The following MYO6 variants were observed in gnomAD, a reference collection of about 807,000 sequenced individuals.
MYO6 encodes myosin VI.
MYO6 carries 74 observed loss-of-function variants against 178.7 expected under a neutral mutation model. The observed-to-expected ratio is 0.41, with a 90% confidence interval of 0.34 to 0.50. The LOEUF (loss-of-function observed/expected upper bound fraction) is 0.50, where lower values mean the gene tolerates loss of function less well. Ranked by LOEUF, MYO6 falls within the 20% of genes least tolerant of loss-of-function variation. MYO6 has a pLI of 0.09. For missense variants in MYO6, 1,330 were observed against 1,547.4 expected, an observed-to-expected ratio of 0.86 and a Z score of 2.36; for synonymous variants, 477 against 504.6, an observed-to-expected ratio of 0.95 and a Z score of 0.73.
chr6:75,752,730 G>T (rs1369265790), intron 1 of MYO6, among the ~76,000 whole-genome samples: 1 of 152,196 alleles, frequency 6.6e-6, no homozygotes. Flanking sequence ...TCATTCTCAA[G>T]TTGACAGCCT....
intron 14 of MYO6, among the ~76,000 whole-genome samples, chr6:75,860,710 C>G (rs912691036): frequency 6.6e-6 from 1 of 152,192 alleles, no homozygotes; most frequent in Non-Finnish European, 1.5e-5. Context: ...AGACACAAGA[C>G]ATATTTGAGG....
Position 75,892,795 on chromosome 6 carries a change from A to T in MYO6, c.3107+105A>T, listed in dbSNP as rs554482975. The T allele has an allele frequency of 4.1e-5, 48 of 1,182,180 alleles. No homozygotes were observed. In the South Asian group the frequency reaches 6.7e-4, roughly 16 times the overall value. The allele number at this position is 1,182,180 out of a possible 1,614,324, so 73.2% of individuals were successfully genotyped here. On this transcript the variant is annotated intron_variant, in intron 28 of 34. Transcript: ENST00000369977. Reference sequence around the variant, plus strand: ...GGAATAGGAGAAAATAATATTCTGAAGGCCCTGATATATTTGAGCTAAAAT... The same window carrying T: ...GGAATAGGAGAAAATAATATTCTGATGGCCCTGATATATTTGAGCTAAAAT...
intron 5 of MYO6, among the ~76,000 whole-genome samples, chr6:75,832,171 A>G (rs1459865852): frequency 6.6e-6 from 1 of 152,220 alleles, no homozygotes; most frequent in East Asian, 1.9e-4. Context: ...AAATTGTTGG[A>G]GTCTAATGAA....
chr6:75,832,975 T>C, intron 6 of MYO6, 28 bp downstream of exon 6: 1 of 1,474,852 alleles, frequency 6.8e-7, no homozygotes, highest in African/African-American at 1.4e-5. Flanking sequence ...TTGAAGTATT[T>C]GAGTAGGTTG....
intron 30 of MYO6, among the ~76,000 whole-genome samples, chr6:75,903,870 T>C (rs1780035622): frequency 6.6e-6 from 1 of 152,002 alleles, no homozygotes; most frequent in Non-Finnish European, 1.5e-5. Context: ...TGGTACCGGT[T>C]GTTCCTTTCC....
intron 3 of MYO6, 91 bp from the exon 4 acceptor site, chr6:75,828,449 G>C: frequency 1.2e-6 from 1 of 801,690 alleles, no homozygotes; most frequent in Non-Finnish European, 2.1e-6. Context: ...TGATTTTTAG[G>C]ATGAGTCAAA....
At chr6:75,901,796 T>C (rs1469232596) in intron 30 of MYO6, among the ~76,000 whole-genome samples, 1 of 152,238 alleles carries the variant, frequency 6.6e-6, no homozygotes, top group African/African-American at 2.4e-5. Context: ...CATCCCTGTC[T>C]TGTGCCGGTT....
At chr6:75,903,933 A>T (rs1024749960) in intron 30 of MYO6, among the ~76,000 whole-genome samples, 19 of 150,226 alleles carry the variant, frequency 1.3e-4, no homozygotes, top group African/African-American at 3.9e-4. Context: ...GTGGTGACAA[A>T]ATCTCTCAGC....
intron 29 of MYO6, among the ~76,000 whole-genome samples, chr6:75,898,148 G>T (rs943386650): frequency 1.3e-5 from 2 of 152,176 alleles, no homozygotes; most frequent in African/African-American, 4.8e-5. Flanking sequence ...TGCAAAAATG[G>T]AGAGACATTC....
At chr6:75,768,715 A>G (rs1778660503) in intron 1 of MYO6, among the ~76,000 whole-genome samples, 1 of 152,080 alleles carries the variant, frequency 6.6e-6, no homozygotes, top group Admixed American at 6.6e-5. Flanking sequence ...AGGGATAGTG[A>G]GTTTGGGAAT....
chr6:75,848,526 C>T lies in MYO6; in HGVS notation c.1073C>T (p.Thr358Ile), dbSNP rs907535942. The T allele has an allele frequency of 1.2e-6, 2 of 1,612,076 alleles. No homozygotes were observed. The highest frequency in any genetic ancestry group is 2.7e-5 in the African/African-American group (2 of 74,694). Residue 358 changes from threonine to isoleucine, a missense_variant, in exon 11 of 35, where the codon ACT becomes ATT. By Grantham distance (89) the Thr-to-Ile change is moderately conservative. This residue lies in a region of MYO6 where 613 missense variants were observed against 816.8 expected (regional missense o/e 0.75). Coordinates refer to ENST00000369977, the MANE Select transcript of MYO6 (RefSeq NM_004999.4). ...GNIDFEEAGSTSGGCNLKNKS... is the reference protein window; with the variant it reads ...GNIDFEEAGSISGGCNLKNKS... ...ATTGATTTTGAGGAAGCTGGCAGCA[C>T]TTCAGGTTTGCTTTTTATTTTTTTA...
intron 7 of MYO6, among the ~76,000 whole-genome samples, chr6:75,837,488 T>C (rs1773763662): frequency 6.6e-6 from 1 of 152,108 alleles, no homozygotes; most frequent in Non-Finnish European, 1.5e-5. Context: ...GCCTCAGCCT[T>C]GTAAGTAGCT....
At chr6:75,871,823 G>A (rs1222922405) in intron 19 of MYO6, among the ~76,000 whole-genome samples, 3 of 151,986 alleles carry the variant, frequency 2.0e-5, no homozygotes, top group Non-Finnish European at 4.4e-5. Flanking sequence ...TTTCTAAAAC[G>A]TGTTCTAGAA....
At chr6:75,757,398 T>C (rs940241306) in intron 1 of MYO6, among the ~76,000 whole-genome samples, 13 of 149,310 alleles carry the variant, frequency 8.7e-5, no homozygotes, top group African/African-American at 2.7e-4. Flanking sequence ...CACATATATA[T>C]ACACACACAC....
intron 1 of MYO6, among the ~76,000 whole-genome samples, chr6:75,790,293 A>C (rs1271435908): frequency 6.6e-6 from 1 of 152,184 alleles, no homozygotes; most frequent in Non-Finnish European, 1.5e-5. Flanking sequence ...CAATACTTAA[A>C]TGTGTAAATT....
intron 11 of MYO6, among the ~76,000 whole-genome samples, chr6:75,853,224 T>C (rs1775436896): frequency 6.6e-6 from 1 of 152,210 alleles, no homozygotes; most frequent in Non-Finnish European, 1.5e-5. Context: ...TGAAAATATA[T>C]TCTAAGTACA....
At chr6:75,755,779 C>G (rs1183185678) in intron 1 of MYO6, among the ~76,000 whole-genome samples, 1 of 152,140 alleles carries the variant, frequency 6.6e-6, no homozygotes, top group Non-Finnish European at 1.5e-5. Context: ...AGGCACTATT[C>G]TAAGTTCTAG....
chr6:75,783,006 C>T (rs1034615506), intron 1 of MYO6, among the ~76,000 whole-genome samples: 1 of 150,806 alleles, frequency 6.6e-6, no homozygotes, highest in South Asian at 2.1e-4. Flanking sequence ...CCTTGATCTC[C>T]TAGGCTCAAG....
intron 1 of MYO6, among the ~76,000 whole-genome samples, chr6:75,787,760 A>G (rs1371947570): frequency 9.3e-6 from 1 of 107,430 alleles, no homozygotes; most frequent in Non-Finnish European, 1.9e-5. Flanking sequence ...ATATATATAT[A>G]TGTATTTTTT....
Sources: gnomAD v4.1 joint callset for allele counts (sites outside exome capture counted in the v4.1 genomes callset) on GRCh38, gnomAD v4.1.1 for gene constraint, gnomAD v4.1.1 regional missense constraint, MANE v1.5 for transcripts, NCBI Gene and HGNC (gene_info 2026-07-23, HGNC 2026-07-21) for gene names.